The following NFIA variants were observed in gnomAD, a reference collection of about 807,000 sequenced individuals.
The protein encoded by NFIA is nuclear factor 1 A-type.
NFIA carries 8 observed loss-of-function variants against 62.8 expected under a neutral mutation model. The ratio of observed to expected loss-of-function variants is 0.13; its 90% CI spans 0.07 to 0.23. The LOEUF is 0.23. NFIA is among the 10% of genes least tolerant of loss of function. NFIA has a pLI of 1.00. For missense variants in NFIA, 410 were observed against 642.1 expected, an observed-to-expected ratio of 0.64 and a Z score of 3.91; for synonymous variants, 235 against 238.1, an observed-to-expected ratio of 0.99 and a Z score of 0.12.
At chr1:61,326,308 G>C (rs76379475) in intron 3 of NFIA, among the ~76,000 whole-genome samples, 3 of 152,222 alleles carry the variant, frequency 2.0e-5, no homozygotes, top group African/African-American at 7.2e-5. Flanking sequence ...CTGACCAGAA[G>C]CTTCATTGCC....
chr1:61,122,493 A>T (rs1646904032), intron 2 of NFIA, among the ~76,000 whole-genome samples: 1 of 152,212 alleles, frequency 6.6e-6, no homozygotes, highest in Non-Finnish European at 1.5e-5. Context: ...AAAGGTGGTA[A>T]TTGAGCTGGC....
chr1:61,098,193 G>GT (rs1023478323), intron 2 of NFIA, among the ~76,000 whole-genome samples: 2 of 152,130 alleles, frequency 1.3e-5, no homozygotes, highest in African/African-American at 4.8e-5. Flanking sequence ...TATGCTGAAT[G>GT]TAACTCATAA....
At chr1:61,256,821 G>T (rs1374362144) in intron 2 of NFIA, among the ~76,000 whole-genome samples, 5 of 152,132 alleles carry the variant, frequency 3.3e-5, no homozygotes, top group Non-Finnish European at 7.4e-5. Context: ...ACCCTCTGTT[G>T]TAAGGGCCCA....
At position 61,239,465 on chromosome 1, in the gene NFIA, T is replaced by C. The variant is rs137981217; in HGVS notation, c.560-38055T>C. ...TCATTAATTTTCTCTTCTGAAAATA[T>C]TTTTAGTTGCTTATCTATCTTTCAT... On this transcript the variant is annotated intron_variant, in intron 2 of 10. Transcript: ENST00000403491. 4.1e-3 allele frequency among the ~76,000 whole-genome samples: 625 copies of C among 152,316 alleles called. 9 individuals are homozygous for C. Among genetic ancestry groups the C allele is most frequent in the Admixed American group, 0.019 (291 of 15,298 alleles).
At chr1:61,393,277 C>G (rs969645855) in intron 7 of NFIA, among the ~76,000 whole-genome samples, 1 of 89,660 alleles carries the variant, frequency 1.1e-5, no homozygotes, top group African/African-American at 8.1e-5. Flanking sequence ...CTCTCTCTCT[C>G]TCTCTCTCTC....
At chr1:61,148,209 G>A (rs1433165701) in intron 2 of NFIA, among the ~76,000 whole-genome samples, 1 of 152,144 alleles carries the variant, frequency 6.6e-6, no homozygotes, top group Non-Finnish European at 1.5e-5. Flanking sequence ...GAGAATGAAT[G>A]AGTGGTTGTT....
chr1:61,203,589 G>T (rs1652679818), intron 2 of NFIA, among the ~76,000 whole-genome samples: 1 of 152,032 alleles, frequency 6.6e-6, no homozygotes, highest in South Asian at 2.1e-4. Flanking sequence ...CTTTTGTCCA[G>T]CCTTCCTTGA....
At chr1:61,318,020 C>A (rs1660459950) in intron 3 of NFIA, among the ~76,000 whole-genome samples, 1 of 151,958 alleles carries the variant, frequency 6.6e-6, no homozygotes, top group South Asian at 2.1e-4. Flanking sequence ...TAAATAATAT[C>A]TTGGAAATAT....
intron 3 of NFIA, among the ~76,000 whole-genome samples, chr1:61,310,224 T>TTA (rs1314393705): frequency 9.2e-5 from 14 of 152,280 alleles, no homozygotes; most frequent in Non-Finnish European, 1.5e-4. Context: ...ATATCAAACT[T>TTA]TAACAAGTCT....
chr1:61,081,749 C>A, upstream of NFIA: 1 of 912,226 alleles, frequency 1.1e-6, no homozygotes, highest in Non-Finnish European at 1.6e-6. Context: ...GATTCCTCAC[C>A]ACCCCCGCTT....
intron 9 of NFIA, among the ~76,000 whole-genome samples, chr1:61,424,544 T>C (rs1196321687): frequency 6.6e-6 from 1 of 152,166 alleles, no homozygotes; most frequent in Admixed American, 6.5e-5. Context: ...ATAGACTTCA[T>C]ACCTTAATAT....
At chr1:61,362,502 G>T (rs1394333274) in intron 6 of NFIA, among the ~76,000 whole-genome samples, 1 of 152,170 alleles carries the variant, frequency 6.6e-6, no homozygotes, top group East Asian at 1.9e-4. Context: ...CCAAAAGAGG[G>T]CCAAAGGTTG....
intron 3 of NFIA, among the ~76,000 whole-genome samples, chr1:61,294,417 A>G (rs1054866020): frequency 6.6e-6 from 1 of 152,104 alleles, no homozygotes; most frequent in African/African-American, 2.4e-5. Flanking sequence ...TTTCTCCTAC[A>G]TTTCTACTCT....
At chr1:61,397,151 A>G in intron 7 of NFIA, among the ~76,000 whole-genome samples, 1 of 152,196 alleles carries the variant, frequency 6.6e-6, no homozygotes, top group East Asian at 1.9e-4. Flanking sequence ...TCTGGGTTAA[A>G]TCTCACAGTC....
chr1:61,082,169 C>G (rs1291517341), upstream of NFIA: 3 of 434,926 alleles, frequency 6.9e-6, no homozygotes, highest in East Asian at 6.8e-5. Flanking sequence ...CTGCTCCTCA[C>G]TGCGTTACCC....
At chr1:61,151,382 C>CTTTTTTTTT in intron 2 of NFIA, among the ~76,000 whole-genome samples, 2 of 141,746 alleles carry the variant, frequency 1.4e-5, no homozygotes, top group Non-Finnish European at 3.0e-5. Flanking sequence ...GCTAATACAG[C>CTTTTTTTTT]TTTTTTTTTT....
At chr1:61,454,779 T>C (rs1050949056) in intron 10 of NFIA, among the ~76,000 whole-genome samples, 4 of 152,190 alleles carry the variant, frequency 2.6e-5, no homozygotes, top group Non-Finnish European at 5.9e-5. Flanking sequence ...CTGGGCCTGT[T>C]AGGAGAGTGT....
intron 2 of NFIA, among the ~76,000 whole-genome samples, chr1:61,106,199 A>T (rs1230440339): frequency 6.6e-6 from 1 of 151,730 alleles, no homozygotes; most frequent in Non-Finnish European, 1.5e-5. Context: ...GTATATTTAC[A>T]GCATATATAT....
At chr1:61,391,420 C>T (rs1013012977) in intron 7 of NFIA, among the ~76,000 whole-genome samples, 1 of 144,892 alleles carries the variant, frequency 6.9e-6, no homozygotes, top group African/African-American at 2.6e-5. Context: ...TTAAACCCCA[C>T]TTCTTTATGA....
Sources: gnomAD v4.1 joint callset for allele counts (sites outside exome capture counted in the v4.1 genomes callset) on GRCh38, gnomAD v4.1.1 for gene constraint, MANE v1.5 for transcripts, NCBI Gene and HGNC (gene_info 2026-07-23, HGNC 2026-07-21) for gene names.